Variants in DIDO1 observed in about 807,000 individuals in gnomAD.
The protein encoded by DIDO1 is death inducer-obliterator 1, also known as death-inducer obliterator 1.
A neutral mutation model predicts 99.4 loss-of-function variants in DIDO1; 16 were observed. The observed-to-expected ratio is 0.16, with a 90% CI of 0.11 to 0.24. The LOEUF (loss-of-function observed/expected upper bound fraction) is 0.24. Ranked by LOEUF, DIDO1 falls within the 10% of genes least tolerant of loss-of-function variation. The probability of loss-of-function intolerance (pLI) is 1.00; values close to 1 mark genes in which losing one functional copy is unlikely to be tolerated. For synonymous variants in DIDO1, 1,366 were observed against 1,239.1 expected (o/e 1.10, Z -2.15); for missense variants, 2,996 against 3,014.0 (o/e 0.99, Z 0.14).
Position 62,881,724 on chromosome 20 carries a change from T to C in DIDO1, c.4232A>G (p.Glu1411Gly), listed in dbSNP as rs960059308. The C allele has an allele frequency of 6.2e-7, 1 of 1,612,836 alleles. No homozygotes were observed. Among genetic ancestry groups the C allele is most frequent in the African/African-American group, 1.3e-5 (1 of 74,906 alleles). Residue 1411 changes from glutamate to glycine, a missense_variant, in exon 16 of 16, where the codon GAA becomes GGA. Glu to Gly is a moderately conservative substitution (Grantham distance 98, BLOSUM62 -2). Around this residue, in one of 5 missense-constraint regions of DIDO1, gnomAD observed 1,562 missense variants for 1,412.6 expected, o/e 1.11. Transcript: ENST00000395343. This position sits in a 1 kb window ranked among gnomAD's most constrained non-coding sequence, Gnocchi z 8.3. The part of the protein sequence containing the change: ...LVERGRRHEV[E>G]RAPEAAAAER... ...GGCTGCAGCTGCTTCAGGAGCCCTT[T>C]CCACCTCGTGGCGCCGCCCTCGCTC...
At chr20:62,906,586 A>C (rs1407485542) in intron 5 of DIDO1, among the ~76,000 whole-genome samples, 2 of 152,268 alleles carry the variant, frequency 1.3e-5, no homozygotes, top group African/African-American at 4.8e-5. Flanking sequence ...AAACTCCCTG[A>C]ACAGTGCTAG....
At chr20:62,893,083 G>T in intron 12 of DIDO1, 121 bp from the exon 13 acceptor site, 1 of 1,077,000 alleles carries the variant, frequency 9.3e-7, no homozygotes, top group Non-Finnish European at 1.3e-6. Context: ...CTGGAGTGCG[G>T]TGGTGCAACA....
chr20:62,927,645 G>A (rs1329694025), upstream of DIDO1, among the ~76,000 whole-genome samples: 1 of 152,268 alleles, frequency 6.6e-6, no homozygotes, highest in African/African-American at 2.4e-5. Flanking sequence ...GGGGCCCAGA[G>A]TGCCGTAAAG....
chr20:62,902,658 C>T (rs1002833251), intron 6 of DIDO1, among the ~76,000 whole-genome samples: 1 of 152,188 alleles, frequency 6.6e-6, no homozygotes, highest in African/African-American at 2.4e-5. Flanking sequence ...TCCTTGTGAA[C>T]GGTGTTCTCC....
chr20:62,894,132 T>G lies in DIDO1; in HGVS notation c.2635A>C (p.Lys879Gln), dbSNP rs749133766. ...TGCTTTGATTTTAAGTCTTCTTTCT[T>G]AACAGAAGCTGACAATTTTTGTTTT... ...PKKQKLSASV[K>Q]KEDLKSKHDS... Residue 879 changes from lysine to glutamine, a missense_variant, in exon 12 of 16, where the codon AAG becomes CAG. Lys to Gln is a moderately conservative substitution (Grantham distance 53). This residue lies in a region of DIDO1 where 898 missense variants were observed against 972.7 expected (regional missense o/e 0.92). Coordinates refer to ENST00000395343, the MANE Select transcript of DIDO1 (RefSeq NM_001193369.2). The surrounding 1 kb of genome is among the most constrained non-coding windows in gnomAD (Gnocchi z 4.4). 1.6e-5 allele frequency: 26 copies of G among 1,614,110 alleles called. No individual in the cohort carries two copies. In the Admixed American group the frequency reaches 2.5e-4, roughly 16 times the overall value.
intron 6 of DIDO1, among the ~76,000 whole-genome samples, chr20:62,900,659 C>G (rs1158466570): frequency 6.6e-6 from 1 of 152,230 alleles, no homozygotes; most frequent in Non-Finnish European, 1.5e-5. Flanking sequence ...GGGAAAGGAA[C>G]TGGTTATAAA....
Position 62,880,380 on chromosome 20 carries a change from G to C in DIDO1, c.5576C>G (p.Pro1859Arg). 3.1e-6 allele frequency: 5 copies of C among 1,612,806 alleles called. No homozygotes were observed. Among genetic ancestry groups the C allele is most frequent in the Non-Finnish European group, 4.2e-6 (5 of 1,180,002 alleles). Reference protein sequence around the residue: ...HGEKREFQDAPYNEVTGAPAQ... With the variant: ...HGEKREFQDARYNEVTGAPAQ... ...GGGGGCGCCCGTCACCTCGTTATAC[G>C]GGGCGTCCTGGAACTCCCTCTTCTC... The change falls in exon 16 of 16, where the codon CCG (proline) becomes CGG (arginine). Residue 1859 changes from proline (P) to arginine (R), a missense_variant. Around this residue, in one of 5 missense-constraint regions of DIDO1, gnomAD observed 1,562 missense variants for 1,412.6 expected, o/e 1.11. Coordinates refer to ENST00000395343, the MANE Select transcript of DIDO1 (RefSeq NM_001193369.2).
At chr20:62,895,267 G>A in intron 8 of DIDO1, 102 bp from the exon 9 acceptor site, 1 of 1,082,830 alleles carries the variant, frequency 9.2e-7, no homozygotes, top group Non-Finnish European at 1.4e-6. Flanking sequence ...GCGGGCACAG[G>A]ACAAAGGCCC....
chr20:62,936,178 C>T (rs2065381142), intron 1 of DIDO1, among the ~76,000 whole-genome samples: 5 of 152,164 alleles, frequency 3.3e-5, no homozygotes, highest in Non-Finnish European at 7.3e-5. Context: ...TCCCAGAGGC[C>T]GAGGCGGGAG....
chr20:62,921,007 C>A (rs1223409389), intron 1 of DIDO1, among the ~76,000 whole-genome samples: 2 of 152,188 alleles, frequency 1.3e-5, no homozygotes, highest in South Asian at 2.1e-4. Flanking sequence ...GATTCTCCTG[C>A]CTCAGCCTCC....
chr20:62,912,081 C>A (rs1238253878), intron 2 of DIDO1, among the ~76,000 whole-genome samples: 1 of 152,320 alleles, frequency 6.6e-6, no homozygotes, highest in East Asian at 1.9e-4. Context: ...TTGGGTGTGG[C>A]CTGCAAAGGG....
At chr20:62,935,962 G>A (rs1047617844) in intron 1 of DIDO1, among the ~76,000 whole-genome samples, 2 of 152,250 alleles carry the variant, frequency 1.3e-5, no homozygotes, top group African/African-American at 4.8e-5. Flanking sequence ...GGCTCGAGCA[G>A]GACTTGGTAA....
At chr20:62,915,846 C>A (rs536043468) in intron 1 of DIDO1, among the ~76,000 whole-genome samples, 1 of 152,202 alleles carries the variant, frequency 6.6e-6, no homozygotes, top group South Asian at 2.1e-4. Flanking sequence ...GGAACGAAAA[C>A]TGATTTTTAA....
At chr20:62,924,235 ACT>A (rs1463132561) in intron 1 of DIDO1, among the ~76,000 whole-genome samples, 2 of 151,814 alleles carry the variant, frequency 1.3e-5, no homozygotes, top group Admixed American at 6.6e-5. Flanking sequence ...TAAGTGAGAG[ACT>A]CTGTTTAGAG....
upstream of DIDO1, among the ~76,000 whole-genome samples, chr20:62,930,019 G>A (rs1397984875): frequency 6.6e-6 from 1 of 151,816 alleles, no homozygotes; most frequent in East Asian, 1.9e-4. Context: ...ATCGCCTGAG[G>A]TCCTGAGGTT....
intron 1 of DIDO1, among the ~76,000 whole-genome samples, chr20:62,936,410 C>A (rs2065384211): frequency 1.3e-5 from 2 of 152,020 alleles, no homozygotes; most frequent in Non-Finnish European, 2.9e-5. Flanking sequence ...AAATAAGTAG[C>A]CGGGCGTGGT....
At position 62,911,789 on chromosome 20, in the gene DIDO1, T is replaced by C. The variant is rs2064948744; in HGVS notation, c.-2-175A>G. Among the ~76,000 whole-genome samples, 1 of 152,198 alleles carries C rather than the reference T, an allele frequency of 6.6e-6. No individual in the cohort carries two copies. The highest frequency in any genetic ancestry group is 2.4e-5 in the African/African-American group (1 of 41,460). ...GCTATGTGAGATGATTCAAGATGAT[T>C]TGTAAAGATAATTTTAATATAGTTA... On this transcript the variant is annotated intron_variant, in intron 2 of 15. Transcript: ENST00000395343. The surrounding 1 kb of genome is among the most constrained non-coding windows in gnomAD (Gnocchi z 7.0).
intron 15 of DIDO1, chr20:62,889,639 G>A (rs1184172946): frequency 1.0e-6 from 1 of 985,304 alleles, no homozygotes; most frequent in Non-Finnish European, 1.2e-6. Flanking sequence ...ACCTCCAGGA[G>A]GGCCGGGCTT....
intron 1 of DIDO1, among the ~76,000 whole-genome samples, chr20:62,919,494 C>G (rs554869720): frequency 6.6e-6 from 1 of 151,776 alleles, no homozygotes; most frequent in Non-Finnish European, 1.5e-5. Flanking sequence ...GAGCTGAGAT[C>G]GTGCCACTGT....
Sources: gnomAD v4.1 joint callset for allele counts (sites outside exome capture counted in the v4.1 genomes callset) on GRCh38, gnomAD v4.1.1 for gene constraint, gnomAD v4.1.1 regional missense constraint, Gnocchi (gnomAD v3.1) non-coding constraint, MANE v1.5 for transcripts, NCBI Gene and HGNC (gene_info 2026-07-23, HGNC 2026-07-21) for gene names.